The following KIF26B variants were observed in gnomAD, a reference collection of about 807,000 sequenced individuals.
KIF26B encodes the protein kinesin family member 26B.
In KIF26B, 63 loss-of-function variants were observed where a neutral mutation model predicts 151.2. The ratio of observed to expected loss-of-function variants is 0.42; its 90% CI spans 0.34 to 0.51. KIF26B has a LOEUF of 0.51. KIF26B is among the 20% of genes least tolerant of loss of function. The pLI, the probability that KIF26B is intolerant of heterozygous loss-of-function variation, is 0.07. For missense variants in KIF26B, 2,813 were observed against 2,913.6 expected (o/e 0.97, Z 0.79); for synonymous variants, 1,357 against 1,262.1 (o/e 1.08, Z -1.59).
intron 2 of KIF26B, among the ~76,000 whole-genome samples, chr1:245,240,157 T>G (rs1271784809): frequency 6.6e-6 from 1 of 151,896 alleles, no homozygotes. Flanking sequence ...AGTGAGACTC[T>G]GTCTCAAAAA....
intron 5 of KIF26B, among the ~76,000 whole-genome samples, chr1:245,573,815 A>G (rs1236695644): frequency 2.0e-5 from 3 of 152,140 alleles, no homozygotes; most frequent in Non-Finnish European, 2.9e-5. Flanking sequence ...TGATCTGGTA[A>G]CCAGGGCGGC....
At chr1:245,380,488 C>G (rs1673381180) in intron 3 of KIF26B, among the ~76,000 whole-genome samples, 1 of 152,314 alleles carries the variant, frequency 6.6e-6, no homozygotes, top group South Asian at 2.1e-4. Flanking sequence ...AGGTTGACCC[C>G]ACCTGCTTGT....
At chr1:245,590,662 C>T (rs549432198) in intron 5 of KIF26B, among the ~76,000 whole-genome samples, 1 of 152,266 alleles carries the variant, frequency 6.6e-6, no homozygotes, top group African/African-American at 2.4e-5. Flanking sequence ...ATTCCCAGCA[C>T]GTTGGGAGTC....
In KIF26B at chr1:245,678,733, CAT is replaced by C. The variant is rs1553303760; in HGVS notation, c.2259-5499_2259-5498del. On this transcript the variant is annotated intron_variant, in intron 10 of 14. Coordinates refer to ENST00000407071, the MANE Select transcript of KIF26B (RefSeq NM_018012.4). ...CAAAAAATTGCTGGGCGTGGTGGTG[CAT>C]GCCTGTAGTTCCAGCTACTCAGGAG... 1.8e-4 allele frequency among the ~76,000 whole-genome samples: 28 copies of C among 152,138 alleles called. 1 individual carries two copies. The highest frequency in any genetic ancestry group is 5.9e-5 in the Non-Finnish European group (4 of 68,002).
chr1:245,225,492 C>T (rs918379218), intron 2 of KIF26B, among the ~76,000 whole-genome samples: 4 of 152,216 alleles, frequency 2.6e-5, no homozygotes, highest in African/African-American at 4.8e-5. Context: ...ATGCTTACAC[C>T]GGCCGTGTCA....
Position 245,602,897 on chromosome 1 carries a change from G to C in KIF26B, c.1557+114G>C, listed in dbSNP as rs2043413161. 1 of 909,552 alleles carries C rather than the reference G, an allele frequency of 1.1e-6. No homozygotes were observed. Among genetic ancestry groups the C allele is most frequent in the Non-Finnish European group, 1.8e-6 (1 of 563,132 alleles). The allele number at this position is 909,552 out of a possible 1,614,324, so 56.3% of individuals were successfully genotyped here. On this transcript the variant is annotated intron_variant, in intron 6 of 14. Transcript: ENST00000407071. This position sits in a 1 kb window ranked among gnomAD's most constrained non-coding sequence, Gnocchi z 4.5. ...TCTTCTGGAGCATTCTGATGGACCA[G>C]TTCCTTCAGGAGTCAATCTGAGCTC...
At chr1:245,493,389 G>A (rs1162316608) in intron 4 of KIF26B, among the ~76,000 whole-genome samples, 1 of 152,190 alleles carries the variant, frequency 6.6e-6, no homozygotes, top group Non-Finnish European at 1.5e-5. Flanking sequence ...AAGCAAGAAT[G>A]CCTGCTCAAT....
rs549009866 is a variant in KIF26B, at chr1:245,400,496, T to G, written c.1000-19083T>G. ...AATCACATAGATAGTGAGTTTTTTT[T>G]TTTTTTTTTTGAAATTACCTTGGCT... is the stretch of plus-strand genomic sequence containing the variant. On this transcript the variant is annotated intron_variant, in intron 3 of 14. Transcript: ENST00000407071. Among the ~76,000 whole-genome samples, 30 of 151,402 alleles carry G rather than the reference T, an allele frequency of 2.0e-4. 1 individual carries two copies. In the East Asian group the frequency reaches 4.1e-3, roughly 21 times the overall value.
chr1:245,302,916 G>C lies in KIF26B; in HGVS notation c.466-63918G>C, dbSNP rs181240321. Among the ~76,000 whole-genome samples, 942 of 149,720 alleles carry C rather than the reference G, an allele frequency of 6.3e-3. 26 individuals are homozygous for C. The highest frequency in any genetic ancestry group is 0.039 in the Admixed American group (586 of 14,890). Reference sequence around the variant, plus strand: ...AGGCAGGAGAATCGCTTGAACCTTGGGGGCGGAGGTTGCAGTGAGCCAAGA... The same window carrying C: ...AGGCAGGAGAATCGCTTGAACCTTGCGGGCGGAGGTTGCAGTGAGCCAAGA... On this transcript the variant is annotated intron_variant, in intron 2 of 14. Coordinates refer to ENST00000407071, the MANE Select transcript of KIF26B (RefSeq NM_018012.4).
chr1:245,696,053 G>A (rs564854567), intron 12 of KIF26B, among the ~76,000 whole-genome samples: 76 of 152,352 alleles, frequency 5.0e-4, no homozygotes, highest in South Asian at 1.7e-3. Flanking sequence ...TATCCCATCC[G>A]CGGTAGCCAG....
intron 2 of KIF26B, chr1:245,216,419 G>T (rs1474516081): frequency 1.1e-5 from 1 of 90,728 alleles, no homozygotes; most frequent in African/African-American, 4.3e-5. Flanking sequence ...AAGAAGTCCC[G>T]AAGAACAAAA....
At chr1:245,155,985 C>A (rs1389666230) in intron 1 of KIF26B, among the ~76,000 whole-genome samples, 1 of 127,224 alleles carries the variant, frequency 7.9e-6, no homozygotes, top group Non-Finnish European at 1.6e-5. Context: ...GGGCGCTGAA[C>A]CTATGGATCC....
chr1:245,691,984 C>T (rs1020328433), intron 12 of KIF26B, among the ~76,000 whole-genome samples: 5 of 152,118 alleles, frequency 3.3e-5, no homozygotes, highest in African/African-American at 1.2e-4. Context: ...AATAACTGTC[C>T]TCTTTGAGCT....
At chr1:245,301,809 C>G (rs1671433208) in intron 2 of KIF26B, among the ~76,000 whole-genome samples, 1 of 152,210 alleles carries the variant, frequency 6.6e-6, no homozygotes, top group Non-Finnish European at 1.5e-5. Context: ...TGGTCAAGCC[C>G]TGTGCCTTCT....
rs1408798681 is a variant in KIF26B at position 245,227,702 on chromosome 1, T to C, written c.465+71019T>C. ...TTTTCCAAAAACCTTTTGGTAGTCA[T>C]TAAAAAAACACTCTGAGGCTGGGTG... On this transcript the variant is annotated intron_variant, in intron 2 of 14. Transcript: ENST00000407071. The surrounding 1 kb of genome is among the most constrained non-coding windows in gnomAD (Gnocchi z 4.1). Among the ~76,000 whole-genome samples the C allele has an allele frequency of 2.0e-5, 3 of 152,092 alleles. No homozygotes were observed. The highest frequency in any genetic ancestry group is 4.4e-5 in the Non-Finnish European group (3 of 68,010).
chr1:245,509,472 AC>A (rs977173373), intron 4 of KIF26B, among the ~76,000 whole-genome samples: 17 of 152,178 alleles, frequency 1.1e-4, no homozygotes, highest in African/African-American at 4.1e-4. Context: ...CTGACCATTC[AC>A]CTTCAGTTTC....
Position 245,698,420 on chromosome 1 carries a change from C to T in KIF26B, c.6027+112C>T, listed in dbSNP as rs908193484. On this transcript the variant is annotated intron_variant, in intron 13 of 14. Coordinates refer to ENST00000407071, the MANE Select transcript of KIF26B (RefSeq NM_018012.4). The surrounding 1 kb of genome is among the most constrained non-coding windows in gnomAD (Gnocchi z 4.0). ...GAAAACTCAGACCCGGGCTTCCCAG[C>T]GGGCTTCTGGCATGGGTGGTGGGAA... 1.0e-5 allele frequency: 10 copies of T among 1,004,890 alleles called. No homozygotes were observed. Among genetic ancestry groups the T allele is most frequent in the African/African-American group, 1.6e-5 (1 of 62,396 alleles). The allele number at this position is 1,004,890 out of a possible 1,614,324, so 62.2% of individuals were successfully genotyped here. A position where few individuals can be genotyped will look rare whatever the true frequency, so the allele number is the denominator to read the frequency against.
intron 10 of KIF26B, among the ~76,000 whole-genome samples, chr1:245,656,845 A>G (rs1310342591): frequency 6.6e-6 from 1 of 152,072 alleles, no homozygotes; most frequent in Non-Finnish European, 1.5e-5. Flanking sequence ...TAATTCATTC[A>G]TTCATTTCAT....
chr1:245,308,441 G>T (rs1433692991), intron 2 of KIF26B, among the ~76,000 whole-genome samples: 1 of 152,162 alleles, frequency 6.6e-6, no homozygotes, highest in African/African-American at 2.4e-5. Flanking sequence ...CTATGTGCTC[G>T]TGAAGACACG....
Sources: gnomAD v4.1 joint callset for allele counts (sites outside exome capture counted in the v4.1 genomes callset) on GRCh38, gnomAD v4.1.1 for gene constraint, Gnocchi (gnomAD v3.1) non-coding constraint, MANE v1.5 for transcripts, NCBI Gene and HGNC (gene_info 2026-07-23, HGNC 2026-07-21) for gene names.